ATP9A: variants seen among roughly 807,000 people sequenced by gnomAD.
ATP9A encodes ATPase phospholipid transporting 9A.
A neutral mutation model predicts 144.1 loss-of-function variants in ATP9A; 52 were observed. The observed-to-expected ratio is 0.36, with a 90% confidence interval of 0.29 to 0.45. The LOEUF is 0.45. Ranked by LOEUF, ATP9A falls within the 20% of genes least tolerant of loss-of-function variation. The probability of loss-of-function intolerance (pLI) is 1.00; values close to 1 mark genes in which losing one functional copy is unlikely to be tolerated. For synonymous variants in ATP9A, 582 were observed against 557.4 expected, an observed-to-expected ratio of 1.04 and a Z score of -0.62; for missense variants, 947 against 1,392.7, an observed-to-expected ratio of 0.68 and a Z score of 5.09.
At chr20:51,700,581 A>C (rs2077589132) in intron 4 of ATP9A, among the ~76,000 whole-genome samples, 1 of 152,194 alleles carries the variant, frequency 6.6e-6, no homozygotes. Flanking sequence ...CTGCAATCCC[A>C]ACACTTTGGG....
intron 4 of ATP9A, among the ~76,000 whole-genome samples, chr20:51,706,467 G>T (rs1280797313): frequency 6.6e-6 from 1 of 152,204 alleles, no homozygotes; most frequent in East Asian, 1.9e-4. Context: ...CTATCTAGAA[G>T]ACTACAGACT....
At chr20:51,604,704 A>T (rs1601049797) in intron 27 of ATP9A, 113 bp downstream of exon 27, 3 of 961,226 alleles carry the variant, frequency 3.1e-6, no homozygotes, top group East Asian at 6.2e-5. Flanking sequence ...GGACTGCTGG[A>T]GGAAGAGCCC....
intron 4 of ATP9A, among the ~76,000 whole-genome samples, chr20:51,700,187 T>C (rs556928869): frequency 6.6e-6 from 1 of 152,262 alleles, no homozygotes; most frequent in South Asian, 2.1e-4. Flanking sequence ...GGTCAATACA[T>C]TTACAGAGAG....
chr20:51,762,646 C>CGA (rs1214428811), intron 1 of ATP9A, among the ~76,000 whole-genome samples: 1 of 150,080 alleles, frequency 6.7e-6, no homozygotes, highest in Non-Finnish European at 1.5e-5. Context: ...GTGACAAGAG[C>CGA]GAGACCCTGT....
At position 51,639,017 on chromosome 20, in the gene ATP9A, T is replaced by C. The variant is rs371332707; in HGVS notation, c.1668+326A>G. 4.8e-4 allele frequency among the ~76,000 whole-genome samples: 71 copies of C among 149,462 alleles called. No homozygotes were observed. In the East Asian group the frequency reaches 9.8e-3, roughly 21 times the overall value. On this transcript the variant is annotated intron_variant, in intron 15 of 27. Transcript: ENST00000338821. Reference sequence around the variant, plus strand: ...CACTGAAGTTTTCACTTTAAAATGATTATATTATGTGAATTTCACCTCAAT... The same window carrying C: ...CACTGAAGTTTTCACTTTAAAATGACTATATTATGTGAATTTCACCTCAAT...
chr20:51,681,642 G>A (rs1296990534), intron 9 of ATP9A, among the ~76,000 whole-genome samples: 1 of 152,002 alleles, frequency 6.6e-6, no homozygotes, highest in Non-Finnish European at 1.5e-5. Flanking sequence ...AGCTGGTCTC[G>A]AACTCCTGAC....
intron 14 of ATP9A, among the ~76,000 whole-genome samples, chr20:51,645,090 A>G (rs1467981586): frequency 6.6e-6 from 1 of 152,228 alleles, no homozygotes; most frequent in Non-Finnish European, 1.5e-5. Flanking sequence ...GCTTTTGAGG[A>G]AAGATCAATT....
intron 13 of ATP9A, among the ~76,000 whole-genome samples, chr20:51,664,118 A>C (rs1313285653): frequency 1.3e-5 from 2 of 152,008 alleles, no homozygotes; most frequent in African/African-American, 4.8e-5. Context: ...GGGTTCAAGC[A>C]AGTCTCCTGC....
chr20:51,618,513 A>G (rs1458640477), intron 21 of ATP9A, 149 bp downstream of exon 21: 40 of 1,167,550 alleles, frequency 3.4e-5, no homozygotes, highest in Non-Finnish European at 4.6e-5. Context: ...AAAAAGAGCC[A>G]AAGTCTGAGA....
rs758733322 is a variant in ATP9A at position 51,639,387 on chromosome 20, A to G, written c.1624T>C (p.Phe542Leu). The G allele has an allele frequency of 1.2e-6, 2 of 1,613,930 alleles. No homozygotes were observed. The highest frequency in any genetic ancestry group is 2.7e-5 in the African/African-American group (2 of 74,934). ...CGTTTGCTTTCATAGGTGAAAGGGA[A>G]GATCTGTAGGATGGTGAAGTTCAGG... ...QILNFTILQI[F>L]PFTYESKRMG... Residue 542 changes from phenylalanine (F) to leucine (L), a missense_variant, in exon 15 of 28, where the codon TTC becomes CTC. Physicochemically the swap from Phe to Leu is conservative, Grantham distance 22 (BLOSUM62 0). Coordinates refer to ENST00000338821, the MANE Select transcript of ATP9A (RefSeq NM_006045.3).
At chr20:51,758,701 C>A (rs147267238) in intron 1 of ATP9A, among the ~76,000 whole-genome samples, 3 of 152,050 alleles carry the variant, frequency 2.0e-5, no homozygotes, top group African/African-American at 4.8e-5. Flanking sequence ...CCAAGGCGGG[C>A]GGATCATGAG....
Position 51,600,847 on chromosome 20 carries a change from A to ACAC in ATP9A, c.*363_*364insGTG, listed in dbSNP as rs748284530. 1.4e-3 allele frequency: 204 copies of ACAC among 145,518 alleles called. 1 individual carries two copies. Among genetic ancestry groups the ACAC allele is most frequent in the Non-Finnish European group, 2.4e-3 (169 of 71,112 alleles). The allele number at this position is 145,518 out of a possible 1,614,324, so 9.0% of individuals were successfully genotyped here. ...ACACACACACACACACACACACACA[A>ACAC]GCCTTCTACAACCTTCAGCTACACA... On this transcript the variant is annotated 3_prime_UTR_variant, in exon 28 of 28. Coordinates refer to ENST00000338821, the MANE Select transcript of ATP9A (RefSeq NM_006045.3).
Position 51,600,011 on chromosome 20 carries a change from C to T in ATP9A, c.*1200G>A, listed in dbSNP as rs1396661238. 3.3e-5 allele frequency: 5 copies of T among 152,204 alleles called. No individual in the cohort carries two copies. Among genetic ancestry groups the T allele is most frequent in the Admixed American group, 6.5e-5 (1 of 15,290 alleles). The allele number at this position is 152,204 out of a possible 1,614,324, so 9.4% of individuals were successfully genotyped here. On this transcript the variant is annotated 3_prime_UTR_variant, in exon 28 of 28. Transcript: ENST00000338821. ...ATAAGAAACATGCCGGCATGTAGTCCATCCTGGGAGGGGAGAAATCTTCAC... is the reference window on the plus strand; with the variant it reads ...ATAAGAAACATGCCGGCATGTAGTCTATCCTGGGAGGGGAGAAATCTTCAC...
chr20:51,735,826 C>T (rs1381029743), intron 1 of ATP9A, among the ~76,000 whole-genome samples: 1 of 152,224 alleles, frequency 6.6e-6, no homozygotes, highest in Non-Finnish European at 1.5e-5. Context: ...TAGCAGCTTC[C>T]TTTTTGTCAC....
intron 4 of ATP9A, among the ~76,000 whole-genome samples, chr20:51,697,819 T>C (rs190018307): frequency 6.6e-6 from 1 of 152,202 alleles, no homozygotes; most frequent in Admixed American, 6.5e-5. Flanking sequence ...GTGACTTAGA[T>C]GCAAAGTACC....
At chr20:51,621,959 C>T (rs925683726) in intron 19 of ATP9A, 115 bp downstream of exon 19, 10 of 892,918 alleles carry the variant, frequency 1.1e-5, no homozygotes, top group South Asian at 3.1e-5. Context: ...ATGCTCCCCA[C>T]CCTAGGTAAT....
chr20:51,679,899 G>A (rs6013253), intron 9 of ATP9A, among the ~76,000 whole-genome samples: 40,285 of 151,960 alleles, frequency 0.27, 6,229 homozygotes, highest in African/African-American at 0.42. Flanking sequence ...CAGAGTAGTC[G>A]TCTCATCAAA....
At chr20:51,652,264 C>T (rs148037326) in intron 14 of ATP9A, among the ~76,000 whole-genome samples, 13 of 152,318 alleles carry the variant, frequency 8.5e-5, no homozygotes, top group African/African-American at 1.4e-4. Context: ...GAGGGCCCAG[C>T]GCCCCCAGGC....
chr20:51,626,474 G>C (rs1036338930), intron 17 of ATP9A, among the ~76,000 whole-genome samples: 19 of 148,084 alleles, frequency 1.3e-4, no homozygotes, highest in African/African-American at 4.7e-4. Context: ...TGGGCAACAA[G>C]AGTAAAGCTC....
Sources: allele counts gnomAD v4.1 joint callset (sites outside exome capture counted in the v4.1 genomes callset), GRCh38; gene constraint gnomAD v4.1.1; transcripts MANE v1.5; gene names NCBI Gene and HGNC (gene_info 2026-07-23, HGNC 2026-07-21).